Variants in GAL3ST3 observed in about 807,000 individuals in gnomAD.
The protein encoded by GAL3ST3 is galactose-3-O-sulfotransferase 3.
A neutral mutation model predicts 20.8 loss-of-function variants in GAL3ST3; 21 were observed. That is an observed-to-expected ratio of 1.01 (90% confidence interval 0.72 to 1.45). The LOEUF (loss-of-function observed/expected upper bound fraction) is 1.45. Ranked by LOEUF, GAL3ST3 falls within the 40% of genes most tolerant of loss-of-function variation. The pLI is 0.00. For missense variants in GAL3ST3, 739 were observed against 662.7 expected (o/e 1.12, Z -1.26); for synonymous variants, 355 against 307.2 (o/e 1.16, Z -1.63).
rs72145138 is a variant in GAL3ST3, at chr11:66,045,026, GAGA to G, written c.125+262_125+264del. On this transcript the variant is annotated intron_variant, in intron 2 of 2. Coordinates refer to ENST00000312006, the MANE Select transcript of GAL3ST3 (RefSeq NM_033036.3). ...CCTTGCCCAGCACTACGGAAGTTGT[GAGA>G]AGTTGTTTCCACTGGGGAAATGCTT... 71,347 of 303,738 alleles carry G rather than the reference GAGA, an allele frequency of 0.23. 9,131 individuals are homozygous for G. Among genetic ancestry groups the G allele is most frequent in the Admixed American group, 0.35 (6,868 of 19,404 alleles). 18.8% of individuals were successfully genotyped at this position (303,738 alleles called of 1,614,324 possible). A position where few individuals can be genotyped will look rare whatever the true frequency, so the allele number is the denominator to read the frequency against.
At chr11:66,046,904 C>T (rs1216995999) in intron 1 of GAL3ST3, among the ~76,000 whole-genome samples, 3 of 152,144 alleles carry the variant, frequency 2.0e-5, no homozygotes, top group African/African-American at 4.8e-5. Flanking sequence ...TTTCTGGGAG[C>T]CCTGGGCTTG....
Position 66,045,397 on chromosome 11 carries a change from G to GC in GAL3ST3, c.18dup (p.Arg7AlafsTer208). ...ATCATCTTGGTGGCCTGCTGCAGGC[G>GC]CTGGAGGATGGGTGGCATGGCGGAG... On this transcript the variant is annotated frameshift_variant, in exon 2 of 3. Coordinates refer to ENST00000312006, the MANE Select transcript of GAL3ST3 (RefSeq NM_033036.3). LOFTEE classifies it high-confidence loss of function. The GC allele has an allele frequency of 6.2e-7, 1 of 1,601,474 alleles. No homozygotes were observed. Among genetic ancestry groups the GC allele is most frequent in the South Asian group, 1.1e-5 (1 of 89,252 alleles).
intron 1 of GAL3ST3, among the ~76,000 whole-genome samples, chr11:66,046,437 C>T (rs1171394857): frequency 1.3e-5 from 2 of 152,218 alleles, no homozygotes; most frequent in Non-Finnish European, 2.9e-5. Flanking sequence ...GAAACCCAGG[C>T]GGCCCCATCA....
At position 66,042,939 on chromosome 11, in the gene GAL3ST3, G is replaced by A; in HGVS notation, c.864C>T (p.Arg288=). The change falls in exon 3 of 3, where the codon CGC becomes CGT. Residue 288 remains arginine (R), a synonymous_variant. Transcript: ENST00000312006. ...GGCCGGCGTCCAGGGCGTTCCAGGT[G>A]CGCGCCGCCCGCGCCAGCGCCGCGG... ...AIPAALARAA[R]TWNALDAGLY... The A allele has an allele frequency of 8.0e-7, 1 of 1,243,968 alleles. No homozygotes were observed. The highest frequency in any genetic ancestry group is 1.0e-6 in the Non-Finnish European group (1 of 986,960). 77.1% of individuals were successfully genotyped at this position (1,243,968 alleles called of 1,614,324 possible). A position where few individuals can be genotyped will look rare whatever the true frequency, so the allele number is the denominator to read the frequency against.
Position 66,042,950 on chromosome 11 carries a change from G to C in GAL3ST3, c.853C>G (p.Arg285Gly). 1 of 1,325,548 alleles carries C rather than the reference G, an allele frequency of 7.5e-7. No individual in the cohort carries two copies. Among genetic ancestry groups the C allele is most frequent in the Non-Finnish European group, 9.6e-7 (1 of 1,037,358 alleles). The allele number at this position is 1,325,548 out of a possible 1,614,324, so 82.1% of individuals were successfully genotyped here. Residue 285 changes from arginine to glycine, a missense_variant, in exon 3 of 3, where the codon CGG becomes GGG. Arg to Gly is a moderately radical substitution (Grantham distance 125). Coordinates refer to ENST00000312006, the MANE Select transcript of GAL3ST3 (RefSeq NM_033036.3). The part of the protein sequence containing the change: ...RLAAIPAALA[R>G]AARTWNALDA... Reference sequence around the variant, plus strand: ...AGGGCGTTCCAGGTGCGCGCCGCCCGCGCCAGCGCCGCGGGGATGGCGGCC... The same window carrying C: ...AGGGCGTTCCAGGTGCGCGCCGCCCCCGCCAGCGCCGCGGGGATGGCGGCC...
rs1856706620 is a variant in GAL3ST3 at position 66,041,746 on chromosome 11, G to A, written c.*761C>T. On this transcript the variant is annotated 3_prime_UTR_variant, in exon 3 of 3. Transcript: ENST00000312006. ...GCAGAATTTTGTGAAAAAGAACGATGTGGAAAGTGAGTGGGGCTAAGGTGG... is the reference window on the plus strand; with the variant it reads ...GCAGAATTTTGTGAAAAAGAACGATATGGAAAGTGAGTGGGGCTAAGGTGG... Among the ~76,000 whole-genome samples, 1 of 152,248 alleles carries A rather than the reference G, an allele frequency of 6.6e-6. No individual in the cohort carries two copies. The highest frequency in any genetic ancestry group is 1.5e-5 in the Non-Finnish European group (1 of 68,040).
chr11:66,045,582 C>T, intron 1 of GAL3ST3, 55 bp from the exon 2 acceptor site: 1 of 628,282 alleles, frequency 1.6e-6, no homozygotes, highest in Non-Finnish European at 2.5e-6. Flanking sequence ...GGATCTGGCC[C>T]CCAGCAGGTC....
In GAL3ST3 at chr11:66,040,882, T is replaced by C. The variant is rs1364004635; in HGVS notation, c.*1625A>G. 2.6e-5 allele frequency among the ~76,000 whole-genome samples: 4 copies of C among 152,152 alleles called. No individual in the cohort carries two copies. The highest frequency in any genetic ancestry group is 5.9e-5 in the Non-Finnish European group (4 of 68,032). On this transcript the variant is annotated 3_prime_UTR_variant, in exon 3 of 3. Coordinates refer to ENST00000312006, the MANE Select transcript of GAL3ST3 (RefSeq NM_033036.3). ...AAAAAGTGGGGTGCCATACAAACAG[T>C]CCCTTTTCAAGCCCAGCGTGTCATG...
chr11:66,042,833 G>C lies in GAL3ST3; in HGVS notation c.970C>G (p.Leu324Val), dbSNP rs1245613956. The change falls in exon 3 of 3, where the codon CTG becomes GTG. Residue 324 changes from leucine to valine, a missense_variant. By Grantham distance (32) the Leu-to-Val change is conservative. Transcript: ENST00000312006. ...RACVEREARE[L>V]REARQRLLRR... ...AGTAGGCGCTGGCGGGCCTCGCGCA[G>C]CTCGCGCGCCTCGCGCTCCACGCAC... 1 of 1,358,752 alleles carries C rather than the reference G, an allele frequency of 7.4e-7. No individual in the cohort carries two copies. Among genetic ancestry groups the C allele is most frequent in the African/African-American group, 1.6e-5 (1 of 63,694 alleles). 84.2% of individuals were successfully genotyped at this position (1,358,752 alleles called of 1,614,324 possible). A position where few individuals can be genotyped will look rare whatever the true frequency, so the allele number is the denominator to read the frequency against.
chr11:66,043,758 GA>G (rs1856750961), intron 2 of GAL3ST3, 81 bp from the exon 3 acceptor site: 5 of 1,322,070 alleles, frequency 3.8e-6, no homozygotes, highest in Non-Finnish European at 4.1e-6. Context: ...AGGACTGTGG[GA>G]TGCCCCACAG....
chr11:66,042,675 C>T lies in GAL3ST3; in HGVS notation c.1128G>A (p.Pro376=), dbSNP rs1856720337. 9 of 1,534,340 alleles carry T rather than the reference C, an allele frequency of 5.9e-6. No homozygotes were observed. Among genetic ancestry groups the T allele is most frequent in the Non-Finnish European group, 7.0e-6 (8 of 1,145,952 alleles). ...CCAGCTTGAGGCAGGCCTCGGTGGC[C>T]GGGCCGGCGCCGCCGCCGGGCAGGT... The part of the protein sequence containing the change: ...GYDLPGGGAG[P]ATEACLKLAM... Residue 376 remains proline, a synonymous_variant, in exon 3 of 3, where the codon CCG becomes CCA. Coordinates refer to ENST00000312006, the MANE Select transcript of GAL3ST3 (RefSeq NM_033036.3).
In GAL3ST3 at chr11:66,042,997, G is replaced by C; in HGVS notation, c.806C>G (p.Ala269Gly). Residue 269 changes from alanine (A) to glycine (G), a missense_variant, in exon 3 of 3, where the codon GCG becomes GGG. Transcript: ENST00000312006. ...LDDVLYAKLN[A>G]RAASSRLAAI... ...GGCCAGGCGCGAGCTGGCGGCGCGC[G>C]CGTTGAGCTTGGCGTAGAGCACGTC... 6.2e-7 allele frequency: 1 copy of C among 1,602,656 alleles called. No individual in the cohort carries two copies. Among genetic ancestry groups the C allele is most frequent in the Non-Finnish European group, 8.5e-7 (1 of 1,176,760 alleles).
chr11:66,047,613 G>A (rs1402017331), intron 1 of GAL3ST3, among the ~76,000 whole-genome samples: 7 of 152,190 alleles, frequency 4.6e-5, no homozygotes, highest in African/African-American at 1.4e-4. Flanking sequence ...CCCTGAAGGC[G>A]GGCACCAGCT....
intron 1 of GAL3ST3, among the ~76,000 whole-genome samples, chr11:66,048,321 G>A (rs1197445368): frequency 6.6e-6 from 1 of 152,182 alleles, no homozygotes; most frequent in African/African-American, 2.4e-5. Context: ...AAATAGTAGA[G>A]CCGACCAAAG....
At position 66,042,169 on chromosome 11, in the gene GAL3ST3, C is replaced by T. The variant is rs369019978; in HGVS notation, c.*338G>A. 3 of 230,490 alleles carry T rather than the reference C, an allele frequency of 1.3e-5. No homozygotes were observed. Among genetic ancestry groups the T allele is most frequent in the Admixed American group, 5.8e-5 (1 of 17,296 alleles). 14.3% of individuals were successfully genotyped at this position (230,490 alleles called of 1,614,324 possible). A position where few individuals can be genotyped will look rare whatever the true frequency, so the allele number is the denominator to read the frequency against. On this transcript the variant is annotated 3_prime_UTR_variant, in exon 3 of 3. Transcript: ENST00000312006. ...CTCTCTCCATGGGGCCTGGGCTTATCCACTTGGAAAAGACAGGTTGTGGGG... is the reference window on the plus strand; with the variant it reads ...CTCTCTCCATGGGGCCTGGGCTTATTCACTTGGAAAAGACAGGTTGTGGGG...
In GAL3ST3 at chr11:66,043,419, G is replaced by A. The variant is rs767010147; in HGVS notation, c.384C>T (p.Ser128=). 2.5e-6 allele frequency: 4 copies of A among 1,609,690 alleles called. No homozygotes were observed. In the East Asian group the frequency reaches 6.7e-5, roughly 27 times the overall value. Residue 128 remains serine, a synonymous_variant, in exon 3 of 3, where the codon AGC becomes AGT. Transcript: ENST00000312006. ...GCTCCGCACGGTCGAAGCGCAGGTG[G>A]CTGGCCAGCACGTGCGGCGGCCGCG... ...PATRPPHVLA[S]HLRFDRAELE... is the part of the protein sequence containing the mutation.
At position 66,042,617 on chromosome 11, in the gene GAL3ST3, A is replaced by G. The variant is rs1207701300; in HGVS notation, c.1186T>C (p.Leu396=). ...CCGCCCCGGCGCTTCTGCTTGCGCA[A>G]CAGGTAGTTCGAGTACTGGACCTCG... The part of the protein sequence containing the change: ...MPEVQYSNYL[L]RKQKRRGGAR... The change falls in exon 3 of 3, where the codon TTG becomes CTG. Residue 396 remains leucine, a synonymous_variant. Transcript: ENST00000312006. 2.0e-6 allele frequency: 3 copies of G among 1,537,138 alleles called. No homozygotes were observed. In the Admixed American group the frequency reaches 5.9e-5, roughly 30 times the overall value.
In GAL3ST3 at chr11:66,042,595, C is replaced by T. The variant is rs1267472197; in HGVS notation, c.1208G>A (p.Gly403Asp). 5 of 1,536,806 alleles carry T rather than the reference C, an allele frequency of 3.3e-6. No homozygotes were observed. The South Asian group carries it at 3.6e-5, about 11-fold the overall frequency. Reference protein sequence around the residue: ...NYLLRKQKRRGGARARPEPVL... With the variant: ...NYLLRKQKRRDGARARPEPVL... ...GGGCTCGGGCCGAGCCCGCGCACCG[C>T]CCCGGCGCTTCTGCTTGCGCAACAG... Residue 403 changes from glycine to aspartate, a missense_variant, in exon 3 of 3, where the codon GGC (glycine) becomes GAC (aspartate). Physicochemically the swap from Gly to Asp is moderately conservative, Grantham distance 94. Coordinates refer to ENST00000312006, the MANE Select transcript of GAL3ST3 (RefSeq NM_033036.3).
At chr11:66,043,812 G>A (rs1167263194) in intron 2 of GAL3ST3, 135 bp from the exon 3 acceptor site, 7 of 727,024 alleles carry the variant, frequency 9.6e-6, no homozygotes, top group Non-Finnish European at 1.5e-5. Context: ...GTCGAGGGCG[G>A]TGCTTGGTAG....
Sources: gnomAD v4.1 joint callset for allele counts (sites outside exome capture counted in the v4.1 genomes callset) on GRCh38, gnomAD v4.1.1 for gene constraint, MANE v1.5 for transcripts, NCBI Gene and HGNC (gene_info 2026-07-23, HGNC 2026-07-21) for gene names.